Variants in ZNF607 observed in about 807,000 individuals in gnomAD.
The protein encoded by ZNF607 is zinc finger protein 607.
In ZNF607, 5 loss-of-function variants were observed where a neutral mutation model predicts 12.8. That is an observed-to-expected ratio of 0.39 (90% CI 0.20 to 0.82). The LOEUF (loss-of-function observed/expected upper bound fraction) is 0.82. ZNF607 is among the 40% of genes least tolerant of loss of function. ZNF607 has a pLI of 0.39. For synonymous variants in ZNF607, 287 were observed against 276.2 expected, an observed-to-expected ratio of 1.04 and a Z score of -0.39; for missense variants, 851 against 859.2, an observed-to-expected ratio of 0.99 and a Z score of 0.12.
Position 37,707,107 on chromosome 19 carries a change from T to C in ZNF607, c.235+807A>G, listed in dbSNP as rs192825348. On this transcript the variant is annotated intron_variant, in intron 4 of 4. Coordinates refer to ENST00000355202, the MANE Select transcript of ZNF607 (RefSeq NM_032689.5). ...TACCAAAGTGCTGGGATTACAGGTG[T>C]GAGCCACTGAGCCCGGCCAAAATTC... 6.8e-3 allele frequency among the ~76,000 whole-genome samples: 1,041 copies of C among 152,258 alleles called. 16 individuals carry two copies. The highest frequency in any genetic ancestry group is 0.024 in the African/African-American group (995 of 41,558).
rs749423569 is a variant in ZNF607 at position 37,699,174 on chromosome 19, T to C, written c.957A>G (p.Thr319=). 1 of 1,614,158 alleles carries C rather than the reference T, an allele frequency of 6.2e-7. No individual in the cohort carries two copies. Among genetic ancestry groups the C allele is most frequent in the East Asian group, 2.2e-5 (1 of 44,878 alleles). The change falls in exon 5 of 5, where the codon ACA becomes ACG. Residue 319 remains threonine, a synonymous_variant. Coordinates refer to ENST00000355202, the MANE Select transcript of ZNF607 (RefSeq NM_032689.5). ...YECKECGKGF[T]CRYQLTMHQR... is the part of the protein sequence containing the mutation. ...GATGCATGGTAAGTTGATACCTACA[T>C]GTAAAGCCCTTCCCGCATTCCTTGC...
rs1235456777 is a variant in ZNF607, at chr19:37,698,799, A to G, written c.1332T>C (p.Thr444=). ...CTTTACATTCAAAGGGTTTGTAACC[A>G]GTATGAATTCTGTTATGATGGGCAA... ...AHLAHHNRIH[T]GYKPFECKEC... The change falls in exon 5 of 5, where the codon ACT becomes ACC. Residue 444 remains threonine (T), a synonymous_variant. Coordinates refer to ENST00000355202, the MANE Select transcript of ZNF607 (RefSeq NM_032689.5). 1.9e-6 allele frequency: 3 copies of G among 1,613,780 alleles called. No individual in the cohort carries two copies. The highest frequency in any genetic ancestry group is 2.2e-5 in the East Asian group (1 of 44,868).
intron 4 of ZNF607, among the ~76,000 whole-genome samples, chr19:37,700,313 G>A (rs1224450751): frequency 2.0e-5 from 3 of 152,184 alleles, no homozygotes; most frequent in Non-Finnish European, 4.4e-5. Flanking sequence ...TATGGAAATA[G>A]AAGAGTAAAA....
chr19:37,717,029 G>A (rs1202393733), intron 1 of ZNF607, among the ~76,000 whole-genome samples: 1 of 152,074 alleles, frequency 6.6e-6, no homozygotes, highest in Non-Finnish European at 1.5e-5. Context: ...AATGGGAACA[G>A]GTACACAAAA....
At chr19:37,709,938 T>A (rs2145241588) in intron 2 of ZNF607, 116 bp from the exon 3 acceptor site, 1 of 1,149,934 alleles carries the variant, frequency 8.7e-7, no homozygotes, top group East Asian at 2.6e-5. Flanking sequence ...GGGCAGATCA[T>A]GAGGTCAAGA....
chr19:37,711,569 A>G (rs765876462), intron 2 of ZNF607, 41 bp downstream of exon 2: 2 of 1,611,644 alleles, frequency 1.2e-6, no homozygotes, highest in South Asian at 1.1e-5. Context: ...GACCTAAAAA[A>G]TCACACACAA....
In ZNF607 at chr19:37,711,831, G is replaced by A; in HGVS notation, c.-74-139C>T. 3 of 540,326 alleles carry A rather than the reference G, an allele frequency of 5.6e-6. 1 individual carries two copies. The South Asian group carries it at 9.1e-5, about 16-fold the overall frequency. 33.5% of individuals were successfully genotyped at this position (540,326 alleles called of 1,614,324 possible). On this transcript the variant is annotated intron_variant, in intron 1 of 4. Coordinates refer to ENST00000355202, the MANE Select transcript of ZNF607 (RefSeq NM_032689.5). ...TACAATTTGGGAAGATTAAGATTCT[G>A]GATAAACCCATTTCCTCCCCCACTA...
chr19:37,708,015 T>G lies in ZNF607; in HGVS notation c.137-3A>C, dbSNP rs765542366. ...TGGCTTAGATACGGAATGTCCTGCT[T>G]ACAAAGAAAAGAAGTGCCACAAAAT... On this transcript the variant is annotated splice_region_variant and splice_polypyrimidine_tract_variant and intron_variant, in intron 3 of 4. Coordinates refer to ENST00000355202, the MANE Select transcript of ZNF607 (RefSeq NM_032689.5). 4.4e-6 allele frequency: 7 copies of G among 1,604,176 alleles called. No homozygotes were observed.
chr19:37,714,508 G>A (rs1161557522), intron 1 of ZNF607, among the ~76,000 whole-genome samples: 2 of 148,236 alleles, frequency 1.3e-5, no homozygotes, highest in Non-Finnish European at 3.0e-5. Flanking sequence ...AGGTTGCAGT[G>A]AGCCAAGATC....
Position 37,699,573 on chromosome 19 carries a change from A to G in ZNF607, c.558T>C (p.Ala186=). Reference sequence around the variant, plus strand: ...TCTCAACATGAACTTTCCCATGTTGAGCAAGGTTTGCAGGATAACTGAAGA... The same window carrying G: ...TCTCAACATGAACTTTCCCATGTTGGGCAAGGTTTGCAGGATAACTGAAGA... ...GKVFSYPANL[A]QHGKVHVEKP... is the part of the protein sequence containing the mutation. Residue 186 remains alanine, a synonymous_variant, in exon 5 of 5, where the codon GCT becomes GCC. Coordinates refer to ENST00000355202, the MANE Select transcript of ZNF607 (RefSeq NM_032689.5). 1 of 1,614,064 alleles carries G rather than the reference A, an allele frequency of 6.2e-7. No individual in the cohort carries two copies. Among genetic ancestry groups the G allele is most frequent in the South Asian group, 1.1e-5 (1 of 91,072 alleles).
rs757712843 is a variant in ZNF607, at chr19:37,698,647, T to C, written c.1484A>G (p.His495Arg). The change falls in exon 5 of 5, where the codon CAT (histidine) becomes CGT (arginine). Residue 495 changes from histidine to arginine, a missense_variant. Coordinates refer to ENST00000355202, the MANE Select transcript of ZNF607 (RefSeq NM_032689.5). ...GFSYSHKLTI[H>R]RRVHTGEKPY... ...TTTCTCACCAGTATGAACTCTGCGA[T>C]GTATAGTGAGTTTATGGCTATAACT... is the stretch of plus-strand genomic sequence containing the variant. 19 of 1,613,820 alleles carry C rather than the reference T, an allele frequency of 1.2e-5. No individual in the cohort carries two copies. The highest frequency in any genetic ancestry group is 4.5e-5 in the East Asian group (2 of 44,866).
intron 1 of ZNF607, among the ~76,000 whole-genome samples, chr19:37,717,337 C>A (rs1039345743): frequency 6.6e-6 from 1 of 152,118 alleles, no homozygotes; most frequent in South Asian, 2.1e-4. Context: ...AGGCGCCCAC[C>A]ACCACGCCCG....
rs139032828 is a variant in ZNF607, at chr19:37,702,554, A to C, written c.236-2659T>G. ...TGCCATCAGACTTACTATACAAAAA[A>C]TGCTAACAAGTTATTTAGGCCCAAA... On this transcript the variant is annotated intron_variant, in intron 4 of 4. Coordinates refer to ENST00000355202, the MANE Select transcript of ZNF607 (RefSeq NM_032689.5). Among the ~76,000 whole-genome samples the C allele has an allele frequency of 9.1e-4, 138 of 152,350 alleles. 1 individual carries two copies. Among genetic ancestry groups the C allele is most frequent in the African/African-American group, 3.2e-3 (135 of 41,586 alleles).
chr19:37,701,163 G>A (rs1264496632), intron 4 of ZNF607, among the ~76,000 whole-genome samples: 1 of 151,888 alleles, frequency 6.6e-6, no homozygotes, highest in Non-Finnish European at 1.5e-5. Context: ...GAAGGGAACA[G>A]GTAACATGAA....
At position 37,707,968 on chromosome 19, in the gene ZNF607, G is replaced by T. The variant is rs1377044941; in HGVS notation, c.181C>A (p.Gln61Lys). 2 of 1,613,852 alleles carry T rather than the reference G, an allele frequency of 1.2e-6. No homozygotes were observed. ...ACAATCATCCATGGCTCTTTTCCTT[G>T]CTCCAATAAGGTGATTAAATCTGGC... is the stretch of plus-strand genomic sequence containing the variant. The part of the protein sequence containing the change: ...SKPDLITLLE[Q>K]GKEPWMIVRE... Residue 61 changes from glutamine (Q) to lysine (K), a missense_variant, in exon 4 of 5, where the codon CAA (glutamine) becomes AAA (lysine). Coordinates refer to ENST00000355202, the MANE Select transcript of ZNF607 (RefSeq NM_032689.5).
At chr19:37,708,170 GT>G (rs1425234274) in intron 3 of ZNF607, among the ~76,000 whole-genome samples, 158 bp from the exon 4 acceptor site, 2 of 151,120 alleles carry the variant, frequency 1.3e-5, no homozygotes, top group African/African-American at 2.4e-5. Flanking sequence ...GAGAGTCAAT[GT>G]TTTTGTTTGC....
intron 4 of ZNF607, 107 bp downstream of exon 4, chr19:37,707,807 G>GATT: frequency 1.2e-6 from 1 of 850,278 alleles, no homozygotes; most frequent in Non-Finnish European, 1.9e-6. Flanking sequence ...GCTGAGAAGG[G>GATT]AAATTTATGA....
At chr19:37,713,118 A>AC (rs2045145692) in intron 1 of ZNF607, among the ~76,000 whole-genome samples, 1 of 151,938 alleles carries the variant, frequency 6.6e-6, no homozygotes, top group African/African-American at 2.4e-5. Flanking sequence ...AGTGAAAACT[A>AC]CAAGGTTTAA....
chr19:37,698,855 A>T lies in ZNF607; in HGVS notation c.1276T>A (p.Cys426Ser). 6.2e-7 allele frequency: 1 copy of T among 1,614,078 alleles called. No individual in the cohort carries two copies. Among genetic ancestry groups the T allele is most frequent in the Non-Finnish European group, 8.5e-7 (1 of 1,179,978 alleles). Residue 426 changes from cysteine to serine, a missense_variant, in exon 5 of 5, where the codon TGT becomes AGT. By Grantham distance (112) the Cys-to-Ser change is moderately radical. Transcript: ENST00000355202. ...TGEKPYKCKE[C>S]GKAFSQRAHL... ...GCACGCTGACTGAAGGCCTTCCCAC[A>T]TTCCTTACATTTGTAGGGTTTCTCA...
Sources: allele counts gnomAD v4.1 joint callset (sites outside exome capture counted in the v4.1 genomes callset), GRCh38; gene constraint gnomAD v4.1.1; transcripts MANE v1.5; gene names NCBI Gene and HGNC (gene_info 2026-07-23, HGNC 2026-07-21).